Variants in FAM171A1 observed in about 807,000 individuals in gnomAD.
FAM171A1 encodes family with sequence similarity 171 member A1.
FAM171A1 carries 23 observed loss-of-function variants against 74.9 expected under a neutral mutation model. The ratio of observed to expected loss-of-function variants is 0.31; its 90% CI spans 0.22 to 0.44. The LOEUF (loss-of-function observed/expected upper bound fraction) is 0.44. Ranked by LOEUF, FAM171A1 falls within the 20% of genes least tolerant of loss-of-function variation. The probability of loss-of-function intolerance (pLI) is 1.00; values close to 1 mark genes in which losing one functional copy is unlikely to be tolerated. For missense variants in FAM171A1, 1,162 were observed against 1,159.2 expected (o/e 1.00, Z -0.03); for synonymous variants, 527 against 505.7 (o/e 1.04, Z -0.57).
Position 15,284,047 on chromosome 10 carries a change from C to T in FAM171A1, c.156G>A (p.Ala52=), listed in dbSNP as rs140195461. The T allele has an allele frequency of 1.9e-5, 31 of 1,613,960 alleles. No homozygotes were observed. The highest frequency in any genetic ancestry group is 8.9e-5 in the East Asian group (4 of 44,864). The part of the protein sequence containing the change: ...DASTHQPVAD[A]LIEIFTNQAS... ...CCTGGTTGGTGAAGATCTCGATGAGCGCATCTGCTACGGGCTGGTGGGTGC... is the reference window on the plus strand; with the variant it reads ...CCTGGTTGGTGAAGATCTCGATGAGTGCATCTGCTACGGGCTGGTGGGTGC... The change falls in exon 2 of 8, where the codon GCG becomes GCA. Residue 52 remains alanine, a synonymous_variant. Coordinates refer to ENST00000378116, the MANE Select transcript of FAM171A1 (RefSeq NM_001010924.2).
At chr10:15,272,755 A>G (rs1834843078) in intron 3 of FAM171A1, among the ~76,000 whole-genome samples, 1 of 152,238 alleles carries the variant, frequency 6.6e-6, no homozygotes, top group African/African-American at 2.4e-5. Context: ...AAACTGCTCA[A>G]CTACATGGAA....
chr10:15,306,910 C>T (rs1199149610), intron 1 of FAM171A1, among the ~76,000 whole-genome samples: 1 of 152,184 alleles, frequency 6.6e-6, no homozygotes, highest in Non-Finnish European at 1.5e-5. Context: ...CCTGCCAGAC[C>T]AAGCCTCCTA....
At chr10:15,256,942 A>AC in intron 3 of FAM171A1, among the ~76,000 whole-genome samples, 1 of 152,142 alleles carries the variant, frequency 6.6e-6, no homozygotes, top group Non-Finnish European at 1.5e-5. Flanking sequence ...GGATGATATA[A>AC]CAACATTCAT....
chr10:15,335,842 A>G (rs758186997), intron 1 of FAM171A1, among the ~76,000 whole-genome samples: 2 of 152,210 alleles, frequency 1.3e-5, no homozygotes, highest in Admixed American at 1.3e-4. Context: ...TCTAATACAG[A>G]TTAAAAAGGG....
chr10:15,306,841 G>A (rs570148747), intron 1 of FAM171A1, among the ~76,000 whole-genome samples: 2 of 152,154 alleles, frequency 1.3e-5, no homozygotes, highest in Non-Finnish European at 2.9e-5. Flanking sequence ...TACTCAATTA[G>A]GTCCTATCCA....
At chr10:15,357,988 T>C (rs1169845535) in intron 1 of FAM171A1, among the ~76,000 whole-genome samples, 1 of 152,204 alleles carries the variant, frequency 6.6e-6, no homozygotes, top group African/African-American at 2.4e-5. Context: ...AAGCTTTTTA[T>C]TTTTTGAGAC....
intron 1 of FAM171A1, among the ~76,000 whole-genome samples, chr10:15,288,766 G>T (rs184293318): frequency 2.0e-5 from 3 of 148,756 alleles, no homozygotes; most frequent in Non-Finnish European, 4.4e-5. Context: ...TTAGTTCTTC[G>T]CTTGGTATGA....
In FAM171A1 at chr10:15,214,285, TGCAAGAGAGGAGCTCCTCCCGGGA is replaced by T; in HGVS notation, c.1279_1302del (p.Ser427_Cys434del). The stretch of plus-strand genomic sequence containing the variant: ...GAGATCTGGCTTTTATCCTCTTCCT[TGCAAGAGAGGAGCTCCTCCCGGGA>T]GCTAAATTCCTGGGAGGTGCTGTAG... On this transcript the variant is annotated inframe_deletion, in exon 8 of 8. Coordinates refer to ENST00000378116, the MANE Select transcript of FAM171A1 (RefSeq NM_001010924.2). 1.2e-6 allele frequency: 2 copies of T among 1,613,826 alleles called. No homozygotes were observed. The highest frequency in any genetic ancestry group is 2.2e-5 in the South Asian group (2 of 91,028).
intron 1 of FAM171A1, among the ~76,000 whole-genome samples, chr10:15,329,523 G>A (rs1246973675): frequency 6.6e-6 from 1 of 151,812 alleles, no homozygotes; most frequent in East Asian, 1.9e-4. Context: ...CTACTCAGGA[G>A]AATGAGGTAG....
intron 1 of FAM171A1, among the ~76,000 whole-genome samples, chr10:15,306,674 C>T (rs1388050382): frequency 1.3e-5 from 2 of 152,262 alleles, no homozygotes; most frequent in East Asian, 3.9e-4. Flanking sequence ...CATAGCCATT[C>T]TTTTTCAATG....
intron 1 of FAM171A1, among the ~76,000 whole-genome samples, chr10:15,325,070 T>C (rs1835534635): frequency 6.6e-6 from 1 of 152,238 alleles, no homozygotes; most frequent in South Asian, 2.1e-4. Context: ...AATAATGAGA[T>C]GAGCTCCCCA....
chr10:15,217,218 A>G (rs1252924049), intron 6 of FAM171A1, among the ~76,000 whole-genome samples: 2 of 152,214 alleles, frequency 1.3e-5, no homozygotes, highest in Non-Finnish European at 2.9e-5. Context: ...TGTTACTAAC[A>G]ACAGATCAGC....
At chr10:15,364,572 T>C (rs1028360141) in intron 1 of FAM171A1, among the ~76,000 whole-genome samples, 3 of 152,198 alleles carry the variant, frequency 2.0e-5, no homozygotes, top group African/African-American at 7.2e-5. Flanking sequence ...TAGTTCCCTA[T>C]TGCTGCCATA....
intron 1 of FAM171A1, among the ~76,000 whole-genome samples, chr10:15,308,631 G>A (rs1835324645): frequency 1.3e-5 from 2 of 151,842 alleles, no homozygotes; most frequent in African/African-American, 4.8e-5. Context: ...GGCAACAAGG[G>A]CAAAACTCTG....
At chr10:15,275,389 C>T (rs1019218362) in intron 3 of FAM171A1, among the ~76,000 whole-genome samples, 3 of 150,934 alleles carry the variant, frequency 2.0e-5, no homozygotes, top group Non-Finnish European at 4.4e-5. Context: ...CAGGTTTAAG[C>T]GATTCTCCTG....
intron 2 of FAM171A1, 141 bp downstream of exon 2, chr10:15,283,737 A>C (rs1834998678): frequency 4.0e-6 from 3 of 752,988 alleles, no homozygotes; most frequent in Non-Finnish European, 2.2e-6. Context: ...GGTGCACACT[A>C]TGATGCCTGG....
chr10:15,284,982 G>T (rs1464688249), intron 1 of FAM171A1, among the ~76,000 whole-genome samples: 1 of 150,574 alleles, frequency 6.6e-6, no homozygotes, highest in Non-Finnish European at 1.5e-5. Flanking sequence ...GTCAAGTTAG[G>T]AATATTGGCA....
intron 5 of FAM171A1, among the ~76,000 whole-genome samples, chr10:15,225,732 G>A (rs1834098116): frequency 6.6e-6 from 1 of 152,148 alleles, no homozygotes; most frequent in African/African-American, 2.4e-5. Context: ...TCATCATGCG[G>A]TGAGAGCCTC....
intron 1 of FAM171A1, among the ~76,000 whole-genome samples, chr10:15,297,317 C>T (rs909356612): frequency 1.3e-5 from 2 of 152,128 alleles, no homozygotes; most frequent in African/African-American, 4.8e-5. Context: ...CCTCGGATTC[C>T]CAAAATGCTG....
Sources: gnomAD v4.1 joint callset for allele counts (sites outside exome capture counted in the v4.1 genomes callset) on GRCh38, gnomAD v4.1.1 for gene constraint, MANE v1.5 for transcripts, NCBI Gene and HGNC (gene_info 2026-07-23, HGNC 2026-07-21) for gene names.